NXPH1: variants seen among roughly 807,000 people sequenced by gnomAD.
NXPH1 encodes neurexophilin-1.
Under a neutral mutation model 23.7 loss-of-function variants are expected in NXPH1, and 5 were observed. That is an observed-to-expected ratio of 0.21 (90% CI 0.11 to 0.44). The LOEUF (loss-of-function observed/expected upper bound fraction) is 0.44. NXPH1 is among the 20% of genes least tolerant of loss of function. The pLI, the probability that NXPH1 is intolerant of heterozygous loss-of-function variation, is 0.99. For synonymous variants in NXPH1, 144 were observed against 122.2 expected (o/e 1.18, Z -1.18); for missense variants, 324 against 321.6 (o/e 1.01, Z -0.06).
At chr7:8,550,127 G>C (rs947543399) in intron 2 of NXPH1, among the ~76,000 whole-genome samples, 6 of 151,584 alleles carry the variant, frequency 4.0e-5, no homozygotes, top group African/African-American at 1.5e-4. Flanking sequence ...GGAGACTTTA[G>C]TGAAAAGCAG....
intron 2 of NXPH1, among the ~76,000 whole-genome samples, chr7:8,697,030 C>T (rs142680433): frequency 0.011 from 1,653 of 150,094 alleles, 19 homozygotes; most frequent in Non-Finnish European, 0.018. Flanking sequence ...TGGTGGTGGG[C>T]GCCTGTGATC....
chr7:8,492,964 A>G (rs557974032), intron 2 of NXPH1, among the ~76,000 whole-genome samples: 4 of 152,034 alleles, frequency 2.6e-5, no homozygotes, highest in Non-Finnish European at 4.4e-5. Flanking sequence ...TGACTCTCCT[A>G]AAATGTAATC....
intron 2 of NXPH1, among the ~76,000 whole-genome samples, chr7:8,648,761 C>T (rs1820436798): frequency 6.6e-6 from 1 of 152,088 alleles, no homozygotes; most frequent in African/African-American, 2.4e-5. Flanking sequence ...ACATCTGAAA[C>T]AAATTCATTT....
chr7:8,703,507 G>A (rs1779658839), intron 2 of NXPH1, among the ~76,000 whole-genome samples: 1 of 151,790 alleles, frequency 6.6e-6, no homozygotes, highest in Non-Finnish European at 1.5e-5. Context: ...GATATTCTGG[G>A]GTTGGTTTGG....
At chr7:8,581,650 T>C (rs998550635) in intron 2 of NXPH1, among the ~76,000 whole-genome samples, 2 of 152,164 alleles carry the variant, frequency 1.3e-5, no homozygotes, top group African/African-American at 4.8e-5. Flanking sequence ...CACAACATGC[T>C]GGAGTCTTCA....
intron 2 of NXPH1, among the ~76,000 whole-genome samples, chr7:8,595,860 T>C (rs1819211589): frequency 6.6e-6 from 1 of 152,034 alleles, no homozygotes; most frequent in African/African-American, 2.4e-5. Context: ...TATGTACCCA[T>C]TTGAGGCTCG....
At chr7:8,744,326 T>A (rs1040719852) in intron 2 of NXPH1, among the ~76,000 whole-genome samples, 1 of 152,200 alleles carries the variant, frequency 6.6e-6, no homozygotes, top group South Asian at 2.1e-4. Context: ...TGGAAAATTA[T>A]CCTCAGGAAG....
intron 2 of NXPH1, among the ~76,000 whole-genome samples, chr7:8,507,403 T>A (rs796255679): frequency 6.7e-6 from 1 of 149,832 alleles, no homozygotes; most frequent in South Asian, 2.1e-4. Flanking sequence ...TTTTAAGATG[T>A]CATTGAAGCA....
At chr7:8,639,010 T>C (rs1562439032) in intron 2 of NXPH1, among the ~76,000 whole-genome samples, 2 of 151,882 alleles carry the variant, frequency 1.3e-5, no homozygotes, top group African/African-American at 2.4e-5. Flanking sequence ...GAAACATATA[T>C]TGAAACTATG....
chr7:8,686,220 G>T (rs1291315090), intron 2 of NXPH1, among the ~76,000 whole-genome samples: 1 of 152,202 alleles, frequency 6.6e-6, no homozygotes, highest in South Asian at 2.1e-4. Flanking sequence ...ATACCTACAA[G>T]ATTCCTCTTT....
chr7:8,573,107 T>C (rs1818681556), intron 2 of NXPH1, among the ~76,000 whole-genome samples: 1 of 151,940 alleles, frequency 6.6e-6, no homozygotes, highest in African/African-American at 2.4e-5. Context: ...TTTTACCCAG[T>C]TAAGATCATA....
intron 2 of NXPH1, among the ~76,000 whole-genome samples, chr7:8,598,880 CT>C (rs1200470309): frequency 6.6e-6 from 1 of 152,100 alleles, no homozygotes; most frequent in Non-Finnish European, 1.5e-5. Context: ...TGTATGCCTG[CT>C]GTAGGCTCTG....
At chr7:8,577,386 G>A (rs1352170090) in intron 2 of NXPH1, among the ~76,000 whole-genome samples, 1 of 152,152 alleles carries the variant, frequency 6.6e-6, no homozygotes, top group African/African-American at 2.4e-5. Flanking sequence ...CTCAAAACCA[G>A]GAGAGTAACA....
intron 2 of NXPH1, among the ~76,000 whole-genome samples, chr7:8,732,527 C>T (rs1780175812): frequency 6.6e-6 from 1 of 152,208 alleles, no homozygotes; most frequent in South Asian, 2.1e-4. Flanking sequence ...ACACTTCTCT[C>T]TTCCTGAAAG....
chr7:8,435,566 C>T lies in NXPH1; in HGVS notation c.-110-38C>T. ...CTTGATTGTCAAGCCTAACCTTGCC[C>T]GCGTAGTCATGGGATGTCTAATTTT... is the stretch of plus-strand genomic sequence containing the variant. On this transcript the variant is annotated intron_variant, in intron 1 of 2. Transcript: ENST00000405863. This position sits in a 1 kb window ranked among gnomAD's most constrained non-coding sequence, Gnocchi z 5.9. The T allele has an allele frequency of 1.4e-6, 1 of 710,944 alleles. No individual in the cohort carries two copies. The highest frequency in any genetic ancestry group is 2.5e-6 in the Non-Finnish European group (1 of 394,402). The allele number at this position is 710,944 out of a possible 1,614,324, so 44.0% of individuals were successfully genotyped here.
chr7:8,624,483 A>T (rs930422529), intron 2 of NXPH1, among the ~76,000 whole-genome samples: 2 of 152,042 alleles, frequency 1.3e-5, no homozygotes, highest in Non-Finnish European at 2.9e-5. Flanking sequence ...ACTGAGAAAA[A>T]CCCTAAGAAA....
At chr7:8,582,342 A>G (rs1395821039) in intron 2 of NXPH1, among the ~76,000 whole-genome samples, 1 of 152,118 alleles carries the variant, frequency 6.6e-6, no homozygotes, top group African/African-American at 2.4e-5. Flanking sequence ...CAGTCCTGCC[A>G]TTTGGCAGGT....
At chr7:8,567,510 T>C (rs1818566769) in intron 2 of NXPH1, among the ~76,000 whole-genome samples, 1 of 151,982 alleles carries the variant, frequency 6.6e-6, no homozygotes, top group Admixed American at 6.6e-5. Flanking sequence ...GACATACACC[T>C]TGTTTCATTC....
chr7:8,656,298 G>A (rs1244862150), intron 2 of NXPH1, among the ~76,000 whole-genome samples: 1 of 152,160 alleles, frequency 6.6e-6, no homozygotes, highest in African/African-American at 2.4e-5. Flanking sequence ...TGTAATATTT[G>A]TAGAATAAAT....
Sources: gnomAD v4.1 joint callset for allele counts (sites outside exome capture counted in the v4.1 genomes callset) on GRCh38, gnomAD v4.1.1 for gene constraint, Gnocchi (gnomAD v3.1) non-coding constraint, MANE v1.5 for transcripts, NCBI Gene and HGNC (gene_info 2026-07-23, HGNC 2026-07-21) for gene names.